The following CCDC169 variants were observed in gnomAD, a reference collection of about 807,000 sequenced individuals.
The protein encoded by CCDC169 is coiled-coil domain-containing protein 169.
A neutral mutation model predicts 36.0 loss-of-function variants in CCDC169; 30 were observed. That is an observed-to-expected ratio of 0.83 (90% CI 0.62 to 1.13). CCDC169 has a LOEUF of 1.13. Ranked by LOEUF, CCDC169 falls within the 50% of genes most tolerant of loss-of-function variation. The pLI is 0.00. For missense variants in CCDC169, 245 were observed against 245.9 expected (o/e 1.00, Z 0.03); for synonymous variants, 85 against 81.5 (o/e 1.04, Z -0.23).
At chr13:36,222,828 G>GTAA (rs1869681591), downstream of CCDC169, 1 of 92,856 alleles carries the variant, frequency 1.1e-5, no homozygotes, top group Non-Finnish European at 2.7e-5. Context: ...AAAAGATACT[G>GTAA]TGTAAGTATG....
intron 4 of CCDC169, among the ~76,000 whole-genome samples, chr13:36,260,735 G>A (rs1007302441): frequency 2.0e-5 from 3 of 152,004 alleles, no homozygotes; most frequent in African/African-American, 7.3e-5. Flanking sequence ...CACTTCTTTG[G>A]CTTGATAAAT....
chr13:36,274,073 C>T (rs1034611188), intron 4 of CCDC169, among the ~76,000 whole-genome samples: 3 of 152,132 alleles, frequency 2.0e-5, no homozygotes, highest in African/African-American at 7.2e-5. Context: ...TACCTGCTTC[C>T]TATGAGTTGT....
downstream of CCDC169, among the ~76,000 whole-genome samples, chr13:36,229,093 T>A (rs1313703802): frequency 6.6e-6 from 1 of 152,180 alleles, no homozygotes; most frequent in Non-Finnish European, 1.5e-5. Flanking sequence ...TTCACATCCC[T>A]TCTAGTGGGA....
At chr13:36,256,269 T>C (rs558371649) in intron 4 of CCDC169, among the ~76,000 whole-genome samples, 1 of 152,210 alleles carries the variant, frequency 6.6e-6, no homozygotes, top group South Asian at 2.1e-4. Context: ...TTCGTTCTCA[T>C]GCTGCTATGA....
At chr13:36,268,608 A>G (rs1360613111) in intron 4 of CCDC169, among the ~76,000 whole-genome samples, 2 of 152,134 alleles carry the variant, frequency 1.3e-5, no homozygotes, top group Non-Finnish European at 2.9e-5. Flanking sequence ...CAAGAAGAAA[A>G]GAAATAACAA....
intron 2 of CCDC169, among the ~76,000 whole-genome samples, chr13:36,289,769 T>TTTAAGTC (rs1310618382): frequency 1.3e-5 from 2 of 152,220 alleles, no homozygotes; most frequent in Non-Finnish European, 2.9e-5. Context: ...CTGTATTGCC[T>TTTAAGTC]TTAAGTCTTT....
intron 2 of CCDC169, among the ~76,000 whole-genome samples, chr13:36,289,641 T>C (rs906087308): frequency 5.9e-5 from 9 of 152,226 alleles, no homozygotes; most frequent in Non-Finnish European, 5.9e-5. Context: ...GTAACTGGCG[T>C]AAGAAACAAC....
chr13:36,256,235 G>A (rs1465838714), intron 4 of CCDC169, among the ~76,000 whole-genome samples: 2 of 152,100 alleles, frequency 1.3e-5, no homozygotes, highest in Non-Finnish European at 1.5e-5. Flanking sequence ...GTTTTTTCAC[G>A]CTTTTCTCAG....
chr13:36,275,567 T>A (rs1350952763), intron 4 of CCDC169, among the ~76,000 whole-genome samples: 1 of 152,172 alleles, frequency 6.6e-6, no homozygotes, highest in Non-Finnish European at 1.5e-5. Context: ...CTCAATACTT[T>A]AAAAATATAT....
downstream of CCDC169, chr13:36,224,606 A>G (rs1593974392): frequency 6.6e-6 from 1 of 152,188 alleles, no homozygotes; most frequent in Admixed American, 6.5e-5. Context: ...AGATCTCTAT[A>G]AGGAGAACTA....
intron 2 of CCDC169, among the ~76,000 whole-genome samples, chr13:36,291,868 T>C (rs1878932697): frequency 6.6e-6 from 1 of 152,188 alleles, no homozygotes; most frequent in Non-Finnish European, 1.5e-5. Flanking sequence ...AAAAAATATA[T>C]TGGATTTATT....
intron 4 of CCDC169, among the ~76,000 whole-genome samples, chr13:36,278,477 A>T (rs1877108120): frequency 2.0e-5 from 3 of 152,214 alleles, no homozygotes; most frequent in African/African-American, 7.2e-5. Flanking sequence ...TCTAATTGGC[A>T]CTTCTTTCTT....
chr13:36,266,906 C>T (rs1014755016), intron 4 of CCDC169, among the ~76,000 whole-genome samples: 2 of 152,166 alleles, frequency 1.3e-5, no homozygotes, highest in African/African-American at 4.8e-5. Context: ...CCTATTTTCT[C>T]GTATCACTAT....
rs550408533 is a variant in CCDC169, at chr13:36,268,557, C to T, written c.316-14414G>A. Among the ~76,000 whole-genome samples the T allele has an allele frequency of 2.0e-5, 3 of 152,098 alleles. No individual in the cohort carries two copies. The East Asian group carries it at 5.8e-4, about 29-fold the overall frequency. On this transcript the variant is annotated intron_variant, in intron 4 of 7. Coordinates refer to ENST00000239859, the MANE Select transcript of CCDC169 (RefSeq NM_001144981.3). ...AAATTGACAACCTAACGTCATACCTCAAGGAGCTAGAGAAACAACAACAAA... is the reference window on the plus strand; with the variant it reads ...AAATTGACAACCTAACGTCATACCTTAAGGAGCTAGAGAAACAACAACAAA...
chr13:36,279,511 G>A (rs1313180373), intron 4 of CCDC169, among the ~76,000 whole-genome samples: 1 of 152,050 alleles, frequency 6.6e-6, no homozygotes, highest in South Asian at 2.1e-4. Context: ...TTGAAGCAGT[G>A]GTTCTCAAAC....
intron 6 of CCDC169, 29 bp downstream of exon 6, chr13:36,253,774 C>G (rs1873473968): frequency 6.5e-7 from 1 of 1,536,692 alleles, no homozygotes; most frequent in Non-Finnish European, 8.7e-7. Context: ...AGAAGAAACA[C>G]TTAGAATTTG....
intron 4 of CCDC169, among the ~76,000 whole-genome samples, chr13:36,263,123 C>T (rs374744494): frequency 2.6e-5 from 4 of 151,852 alleles, no homozygotes; most frequent in Non-Finnish European, 5.9e-5. Flanking sequence ...TTAAGCAGTT[C>T]GAGGAATTTC....
At chr13:36,241,427 T>G in intron 7 of CCDC169, among the ~76,000 whole-genome samples, 1 of 152,222 alleles carries the variant, frequency 6.6e-6, no homozygotes, top group East Asian at 1.9e-4. Flanking sequence ...TATTAATAAT[T>G]ACTAGCCTGT....
chr13:36,290,227 G>T (rs988165618), intron 2 of CCDC169, among the ~76,000 whole-genome samples: 1 of 152,024 alleles, frequency 6.6e-6, no homozygotes, highest in Non-Finnish European at 1.5e-5. Context: ...GAGACACAGG[G>T]ACACGCCTGT....
Sources: gnomAD v4.1 joint callset for allele counts (sites outside exome capture counted in the v4.1 genomes callset) on GRCh38, gnomAD v4.1.1 for gene constraint, MANE v1.5 for transcripts, NCBI Gene and HGNC (gene_info 2026-07-23, HGNC 2026-07-21) for gene names.